Variants in NEK1 observed in about 807,000 individuals in gnomAD.
The protein encoded by NEK1 is serine/threonine-protein kinase Nek1.
A neutral mutation model predicts 182.1 loss-of-function variants in NEK1; 137 were observed. That is an observed-to-expected ratio of 0.75 (90% confidence interval 0.65 to 0.87). The LOEUF (loss-of-function observed/expected upper bound fraction) is 0.87. Ranked by LOEUF, NEK1 falls within the 40% of genes least tolerant of loss-of-function variation. NEK1 has a pLI of 0.00. For synonymous variants in NEK1, 513 were observed against 492.2 expected, an observed-to-expected ratio of 1.04 and a Z score of -0.56; for missense variants, 1,391 against 1,494.4, an observed-to-expected ratio of 0.93 and a Z score of 1.14.
At chr4:169,496,329 T>A (rs1411420116) in intron 23 of NEK1, among the ~76,000 whole-genome samples, 5 of 151,694 alleles carry the variant, frequency 3.3e-5, no homozygotes, top group Admixed American at 2.0e-4. Context: ...TTTCTAGATA[T>A]ACAATCATGT....
chr4:169,608,317 A>T (rs1771739653), intron 2 of NEK1, among the ~76,000 whole-genome samples: 1 of 152,242 alleles, frequency 6.6e-6, no homozygotes, highest in African/African-American at 2.4e-5. Flanking sequence ...TGACATTTCA[A>T]ATCAGTAGGA....
intron 23 of NEK1, among the ~76,000 whole-genome samples, chr4:169,495,239 CTTTTTTTTT>C (rs774183115): frequency 5.7e-5 from 6 of 105,448 alleles, no homozygotes; most frequent in African/African-American, 1.0e-4. Context: ...ACATTTAAGT[CTTTTTTTTT>C]TTTTTTTTTT....
At chr4:169,455,612 T>C (rs1052333242) in intron 27 of NEK1, among the ~76,000 whole-genome samples, 1 of 152,118 alleles carries the variant, frequency 6.6e-6, no homozygotes, top group Non-Finnish European at 1.5e-5. Flanking sequence ...TACCCATATA[T>C]GTACAGGAAA....
intron 26 of NEK1, among the ~76,000 whole-genome samples, chr4:169,467,858 C>T (rs1030927456): frequency 6.6e-6 from 1 of 151,954 alleles, no homozygotes; most frequent in Non-Finnish European, 1.5e-5. Context: ...AATCCAATCA[C>T]ATTAATAATC....
chr4:169,455,112 G>A (rs931239674), intron 27 of NEK1, among the ~76,000 whole-genome samples: 6 of 152,124 alleles, frequency 3.9e-5, no homozygotes, highest in Non-Finnish European at 8.8e-5. Flanking sequence ...TCACTCATAG[G>A]TGGGAACTGA....
intron 29 of NEK1, among the ~76,000 whole-genome samples, chr4:169,428,179 C>T (rs1337333404): frequency 2.0e-5 from 3 of 151,620 alleles, no homozygotes; most frequent in Non-Finnish European, 4.4e-5. Flanking sequence ...AAAAGGTAAA[C>T]TGAACTACCA....
At chr4:169,603,475 G>A (rs956574733) in intron 2 of NEK1, among the ~76,000 whole-genome samples, 1 of 152,128 alleles carries the variant, frequency 6.6e-6, no homozygotes, top group African/African-American at 2.4e-5. Flanking sequence ...TATGTGCTCA[G>A]TTTGGTCACA....
intron 19 of NEK1, among the ~76,000 whole-genome samples, chr4:169,524,089 T>A (rs957586835): frequency 7.9e-5 from 12 of 152,192 alleles, no homozygotes; most frequent in African/African-American, 2.9e-4. Flanking sequence ...CCAGGATATA[T>A]CTACAACAAT....
chr4:169,500,672 T>C (rs1391660227), intron 23 of NEK1, among the ~76,000 whole-genome samples: 1 of 152,164 alleles, frequency 6.6e-6, no homozygotes, highest in African/African-American at 2.4e-5. Context: ...GTAAGCTTCA[T>C]AAACAAAGGA....
intron 23 of NEK1, among the ~76,000 whole-genome samples, chr4:169,496,501 T>C (rs1178160350): frequency 2.0e-5 from 3 of 151,512 alleles, no homozygotes; most frequent in Admixed American, 6.6e-5. Flanking sequence ...AGGGAATGCT[T>C]CCAGTTTTTG....
At chr4:169,496,318 T>A (rs1191907728) in intron 23 of NEK1, among the ~76,000 whole-genome samples, 2 of 151,578 alleles carry the variant, frequency 1.3e-5, no homozygotes, top group African/African-American at 4.9e-5. Flanking sequence ...GACGATGGGG[T>A]TTTCTAGATA....
At chr4:169,575,973 T>TC (rs1404777428) in intron 12 of NEK1, among the ~76,000 whole-genome samples, 10 of 141,788 alleles carry the variant, frequency 7.1e-5, no homozygotes, top group Non-Finnish European at 1.1e-4. Flanking sequence ...TTCTTTTTTG[T>TC]TTTTTTTTTT....
chr4:169,482,461 TTTTC>T lies in NEK1; in HGVS notation c.2008-2931_2008-2928del, dbSNP rs562111623. Among the ~76,000 whole-genome samples, 895 of 151,612 alleles carry T rather than the reference TTTTC, an allele frequency of 5.9e-3. 4 individuals carry two copies. Among genetic ancestry groups the T allele is most frequent in the African/African-American group, 0.011 (464 of 41,352 alleles). On this transcript the variant is annotated intron_variant, in intron 23 of 35. Transcript: ENST00000507142. The stretch of plus-strand genomic sequence containing the variant: ...GTGTGTGCCACCACATCCAGCTAAT[TTTTC>T]TTTCTTTCTTTCTTTCTTTTTTTTT...
At chr4:169,430,611 C>G (rs929959962) in intron 29 of NEK1, among the ~76,000 whole-genome samples, 1 of 152,016 alleles carries the variant, frequency 6.6e-6, no homozygotes, top group Non-Finnish European at 1.5e-5. Flanking sequence ...GCAAAGAAGA[C>G]AGGATAAACA....
chr4:169,555,475 T>C, intron 18 of NEK1: 1 of 460,946 alleles, frequency 2.2e-6, no homozygotes, highest in Non-Finnish European at 4.0e-6. Context: ...CACATGTTCC[T>C]TTAAATAGTA....
intron 18 of NEK1, among the ~76,000 whole-genome samples, chr4:169,547,715 T>C (rs979782875): frequency 3.9e-5 from 6 of 152,248 alleles, no homozygotes; most frequent in Non-Finnish European, 7.3e-5. Flanking sequence ...CTTTATTTCA[T>C]TGAGTTGATC....
chr4:169,446,498 G>A (rs1740597565), intron 27 of NEK1, among the ~76,000 whole-genome samples: 2 of 152,076 alleles, frequency 1.3e-5, no homozygotes, highest in Admixed American at 6.5e-5. Context: ...TCAACACCCA[G>A]ACACCGATGA....
rs201930784 is a variant in NEK1, at chr4:169,424,816, G to A, written c.2975-16C>T. On this transcript the variant is annotated splice_polypyrimidine_tract_variant and intron_variant, in intron 30 of 35. Transcript: ENST00000507142. ...GTTCCAGGCTCTGTGGTAGAAAGGA[G>A]AGATTATGTGGTAAGTCTATACAGT... 1.3e-6 allele frequency: 2 copies of A among 1,595,564 alleles called. No homozygotes were observed. Among genetic ancestry groups the A allele is most frequent in the Admixed American group, 1.7e-5 (1 of 59,498 alleles).
At chr4:169,544,496 A>G (rs1486574938) in intron 18 of NEK1, among the ~76,000 whole-genome samples, 1 of 151,150 alleles carries the variant, frequency 6.6e-6, no homozygotes, top group Non-Finnish European at 1.5e-5. Context: ...TGAGCTAGGG[A>G]GGATTCCCTC....
Sources: gnomAD v4.1 joint callset for allele counts (sites outside exome capture counted in the v4.1 genomes callset) on GRCh38, gnomAD v4.1.1 for gene constraint, MANE v1.5 for transcripts, NCBI Gene and HGNC (gene_info 2026-07-23, HGNC 2026-07-21) for gene names.